DPP6: variants seen among roughly 807,000 people sequenced by gnomAD.
DPP6 encodes the protein dipeptidyl peptidase like 6, also known as A-type potassium channel modulatory protein DPP6.
DPP6 carries 69 observed loss-of-function variants against 122.6 expected under a neutral mutation model. That is an observed-to-expected ratio of 0.56 (90% CI 0.46 to 0.69). The LOEUF (loss-of-function observed/expected upper bound fraction) is 0.69. DPP6 is among the 30% of genes least tolerant of loss of function. The probability of loss-of-function intolerance (pLI) is 0.00; values close to 1 mark genes in which losing one functional copy is unlikely to be tolerated. For synonymous variants in DPP6, 418 were observed against 433.1 expected (o/e 0.97, Z 0.43); for missense variants, 928 against 1,116.9 (o/e 0.83, Z 2.41).
In DPP6 at chr7:154,683,044, A is replaced by C. The variant is rs533482497; in HGVS notation, c.762+13603A>C. Among the ~76,000 whole-genome samples, 44 of 152,332 alleles carry C rather than the reference A, an allele frequency of 2.9e-4. 1 individual carries two copies. The highest frequency in any genetic ancestry group is 2.7e-3 in the Admixed American group (41 of 15,304). ...AGCTATTTCCACTCTAAAAAAAGTT[A>C]GCAAATTAGTGAATTGATTTTTCTG... On this transcript the variant is annotated intron_variant, in intron 7 of 25. Coordinates refer to ENST00000377770, the MANE Select transcript of DPP6 (RefSeq NM_130797.4).
At chr7:154,503,864 G>C (rs2129660047) in intron 3 of DPP6, among the ~76,000 whole-genome samples, 1 of 152,256 alleles carries the variant, frequency 6.6e-6, no homozygotes, top group Admixed American at 6.5e-5. Context: ...TAATATCTGG[G>C]TAATGGGTTG....
chr7:154,524,806 G>A (rs1827272902), intron 3 of DPP6, among the ~76,000 whole-genome samples: 1 of 152,126 alleles, frequency 6.6e-6, no homozygotes, highest in Admixed American at 6.5e-5. Flanking sequence ...TGAAGAATTG[G>A]AGCCATTTAC....
chr7:153,840,396 C>T, the DPP6 span, among the ~76,000 whole-genome samples: 19 of 151,904 alleles, frequency 1.3e-4, no homozygotes, highest in Admixed American at 2.0e-4. Flanking sequence ...CTTTTCTAAA[C>T]GCAACTCACA....
At position 154,889,450 on chromosome 7, in the gene DPP6, T is replaced by TTG; in HGVS notation, c.2378-7_2378-6insTG. The stretch of plus-strand genomic sequence containing the variant: ...TTCCTCTCTTTTTTTTTTTTTTTTT[T>TTG]GCACAGAAAAAATTCATTTCCAGCA... On this transcript the variant is annotated splice_polypyrimidine_tract_variant and splice_region_variant and intron_variant, in intron 24 of 25. Coordinates refer to ENST00000377770, the MANE Select transcript of DPP6 (RefSeq NM_130797.4). 6.5e-7 allele frequency: 1 copy of TTG among 1,532,458 alleles called. No homozygotes were observed. Among genetic ancestry groups the TTG allele is most frequent in the South Asian group, 1.3e-5 (1 of 79,192 alleles). The allele number at this position is 1,532,458 out of a possible 1,614,324, so 94.9% of individuals were successfully genotyped here.
At chr7:154,012,424 G>A (rs1249323800) in intron 1 of DPP6, among the ~76,000 whole-genome samples, 1 of 152,170 alleles carries the variant, frequency 6.6e-6, no homozygotes, top group Non-Finnish European at 1.5e-5. Flanking sequence ...TTTCTTAGAT[G>A]TGACACCAAA....
At chr7:154,849,255 A>G (rs1164995447) in intron 16 of DPP6, among the ~76,000 whole-genome samples, 1 of 152,192 alleles carries the variant, frequency 6.6e-6, no homozygotes, top group Non-Finnish European at 1.5e-5. Flanking sequence ...TGAATCTACA[A>G]ATCACTTTTG....
the DPP6 span, among the ~76,000 whole-genome samples, chr7:153,769,912 G>C: frequency 6.6e-6 from 1 of 152,206 alleles, no homozygotes; most frequent in African/African-American, 2.4e-5. Context: ...ATTGGTAGAG[G>C]TCAAGTGTGG....
chr7:154,844,744 G>A (rs544087383), intron 16 of DPP6, among the ~76,000 whole-genome samples: 1 of 152,322 alleles, frequency 6.6e-6, no homozygotes, highest in East Asian at 1.9e-4. Flanking sequence ...CAGTTAGACT[G>A]CCTGGGATTA....
intron 1 of DPP6, among the ~76,000 whole-genome samples, chr7:153,966,200 T>C (rs185220789): frequency 4.1e-5 from 6 of 147,182 alleles, no homozygotes; most frequent in African/African-American, 1.5e-4. Context: ...TGTGAGCTGA[T>C]TAGATTGAAA....
At chr7:153,835,695 TTAAAA>T in the DPP6 span, among the ~76,000 whole-genome samples, 1 of 152,292 alleles carries the variant, frequency 6.6e-6, no homozygotes, top group South Asian at 2.1e-4. Context: ...TGTTAGGAAC[TTAAAA>T]TAACCCCAAG....
chr7:154,351,923 A>T (rs1355219722), intron 1 of DPP6, among the ~76,000 whole-genome samples: 1 of 152,128 alleles, frequency 6.6e-6, no homozygotes, highest in African/African-American at 2.4e-5. Flanking sequence ...ATCTGCTCCC[A>T]GCCCTCTGGA....
At chr7:154,222,584 G>T (rs1282101693) in intron 1 of DPP6, among the ~76,000 whole-genome samples, 1 of 147,558 alleles carries the variant, frequency 6.8e-6, no homozygotes, top group South Asian at 2.1e-4. Context: ...GAACCCGGGA[G>T]GTGGAGGTTG....
the DPP6 span, among the ~76,000 whole-genome samples, chr7:153,772,433 A>G: frequency 6.6e-6 from 1 of 152,166 alleles, no homozygotes; most frequent in African/African-American, 2.4e-5. Context: ...AATAATGCAT[A>G]TTGTAAACCT....
chr7:154,355,113 C>A (rs1811169972), intron 1 of DPP6, among the ~76,000 whole-genome samples: 1 of 152,154 alleles, frequency 6.6e-6, no homozygotes, highest in African/African-American at 2.4e-5. Flanking sequence ...ACTTGAGCAC[C>A]TTTTTAGATG....
At chr7:153,942,844 G>T (rs751879755) in intron 1 of DPP6, among the ~76,000 whole-genome samples, 2 of 152,102 alleles carry the variant, frequency 1.3e-5, no homozygotes, top group Non-Finnish European at 2.9e-5. Flanking sequence ...TTTACCTGTC[G>T]CCTGCTTATT....
intron 7 of DPP6, among the ~76,000 whole-genome samples, chr7:154,671,801 C>A (rs1838572754): frequency 1.3e-5 from 2 of 151,922 alleles, no homozygotes; most frequent in Non-Finnish European, 2.9e-5. Context: ...TAAGTAGCAA[C>A]AAAACAAAGT....
intron 8 of DPP6, among the ~76,000 whole-genome samples, chr7:154,743,167 C>G (rs1252623874): frequency 6.6e-6 from 1 of 152,214 alleles, no homozygotes; most frequent in Non-Finnish European, 1.5e-5. Flanking sequence ...GCTCTTTTAT[C>G]TCCAGCGCAT....
At chr7:154,397,066 A>G (rs1237948276) in intron 1 of DPP6, among the ~76,000 whole-genome samples, 1 of 151,840 alleles carries the variant, frequency 6.6e-6, no homozygotes, top group Non-Finnish European at 1.5e-5. Context: ...ATTATTTTAA[A>G]TAATCTAGTA....
At chr7:153,788,065 T>C in the DPP6 span, among the ~76,000 whole-genome samples, 1 of 152,188 alleles carries the variant, frequency 6.6e-6, no homozygotes, top group Admixed American at 6.5e-5. Context: ...GAAAGAGAAA[T>C]TCTAAGTTCT....
Sources: allele counts gnomAD v4.1 joint callset (sites outside exome capture counted in the v4.1 genomes callset), GRCh38; gene constraint gnomAD v4.1.1; transcripts MANE v1.5; gene names NCBI Gene and HGNC (gene_info 2026-07-23, HGNC 2026-07-21).